The following USO1 variants were observed in gnomAD, a reference collection of about 807,000 sequenced individuals.
The protein encoded by USO1 is USO1 vesicle transport factor.
In USO1, 57 loss-of-function variants were observed where a neutral mutation model predicts 124.5. That is an observed-to-expected ratio of 0.46 (90% confidence interval 0.37 to 0.57). The LOEUF (loss-of-function observed/expected upper bound fraction) is 0.57, where lower values mean the gene tolerates loss of function less well. Ranked by LOEUF, USO1 falls within the 20% of genes least tolerant of loss-of-function variation. The pLI is 0.00. For synonymous variants in USO1, 369 were observed against 362.8 expected, an observed-to-expected ratio of 1.02 and a Z score of -0.19; for missense variants, 900 against 1,040.6, an observed-to-expected ratio of 0.86 and a Z score of 1.86.
At chr4:75,802,083 A>G (rs1316075606) in intron 17 of USO1, among the ~76,000 whole-genome samples, 1 of 152,202 alleles carries the variant, frequency 6.6e-6, no homozygotes, top group Non-Finnish European at 1.5e-5. Context: ...CAGCCTTCCG[A>G]AATGCTGGGA....
intron 1 of USO1, among the ~76,000 whole-genome samples, chr4:75,741,414 T>G (rs1282119380): frequency 6.6e-6 from 1 of 152,120 alleles, no homozygotes; most frequent in Non-Finnish European, 1.5e-5. Flanking sequence ...CTAAATTCAT[T>G]TTTTAAAATT....
At chr4:75,743,143 C>T (rs1370725867) in intron 1 of USO1, among the ~76,000 whole-genome samples, 1 of 152,014 alleles carries the variant, frequency 6.6e-6, no homozygotes, top group East Asian at 1.9e-4. Context: ...CACCACCATG[C>T]CTGGCTAATT....
At chr4:75,749,123 A>G (rs947017627) in intron 1 of USO1, among the ~76,000 whole-genome samples, 13 of 152,178 alleles carry the variant, frequency 8.5e-5, no homozygotes, top group African/African-American at 3.1e-4. Context: ...TATATCTGCT[A>G]TATGAAGAAA....
intron 22 of USO1, among the ~76,000 whole-genome samples, chr4:75,811,698 A>G (rs1723156021): frequency 1.3e-5 from 2 of 152,212 alleles, no homozygotes; most frequent in Admixed American, 6.5e-5. Context: ...TTGTGGCCAA[A>G]TTATTTTATT....
At chr4:75,747,406 A>G (rs1721155923) in intron 1 of USO1, among the ~76,000 whole-genome samples, 1 of 152,088 alleles carries the variant, frequency 6.6e-6, no homozygotes, top group Non-Finnish European at 1.5e-5. Flanking sequence ...CCTCTGGAGT[A>G]GCTAGGACTA....
intron 8 of USO1, among the ~76,000 whole-genome samples, chr4:75,775,462 C>G (rs1319046392): frequency 1.3e-5 from 2 of 152,092 alleles, no homozygotes; most frequent in African/African-American, 4.8e-5. Context: ...TCACTTGAAC[C>G]CGGGAGGTGG....
At chr4:75,787,010 A>C (rs1308542271) in intron 9 of USO1, 52 bp from the exon 10 acceptor site, 10 of 1,518,092 alleles carry the variant, frequency 6.6e-6, no homozygotes, top group Non-Finnish European at 8.8e-6. Flanking sequence ...GATTTGCCTC[A>C]AGCCTTTTCA....
chr4:75,762,959 A>C (rs1331543312), intron 4 of USO1, among the ~76,000 whole-genome samples: 4 of 152,200 alleles, frequency 2.6e-5, no homozygotes, highest in Non-Finnish European at 4.4e-5. Flanking sequence ...GTATACATGT[A>C]CCTGTTTAAT....
chr4:75,755,875 G>A (rs1721426424), intron 3 of USO1, among the ~76,000 whole-genome samples: 1 of 152,070 alleles, frequency 6.6e-6, no homozygotes, highest in Admixed American at 6.6e-5. Context: ...GTCCTTAGAA[G>A]TAGAACAGGA....
chr4:75,743,921 C>T (rs1395830426), intron 1 of USO1, among the ~76,000 whole-genome samples: 3 of 152,020 alleles, frequency 2.0e-5, no homozygotes, highest in East Asian at 1.9e-4. Flanking sequence ...GGACTACAGG[C>T]GCCCGCCACC....
At chr4:75,793,596 C>A in intron 12 of USO1, 94 bp from the exon 13 acceptor site, 1 of 1,428,812 alleles carries the variant, frequency 7.0e-7, no homozygotes, top group Non-Finnish European at 9.4e-7. Context: ...AATGGTATTT[C>A]ACACTATTTT....
rs185323210 is a variant in USO1, at chr4:75,760,462, T to A, written c.295+2889T>A. 80 of 372,206 alleles carry A rather than the reference T, an allele frequency of 2.1e-4. 1 individual carries two copies. Among genetic ancestry groups the A allele is most frequent in the Admixed American group, 1.1e-3 (24 of 21,852 alleles). The allele number at this position is 372,206 out of a possible 1,614,324, so 23.1% of individuals were successfully genotyped here. A position where few individuals can be genotyped will look rare whatever the true frequency, so the allele number is the denominator to read the frequency against. ...GGTATTTGACCAAAGTACATATGGA[T>A]CTCTTCTTCCAAAGGATTATGTAGC... On this transcript the variant is annotated intron_variant, in intron 4 of 23. Transcript: ENST00000514213.
At chr4:75,744,775 A>T (rs974840899) in intron 1 of USO1, 1 of 288,640 alleles carries the variant, frequency 3.5e-6, no homozygotes, top group African/African-American at 2.3e-5. Flanking sequence ...GATTGTTTAA[A>T]TAAATGCTGT....
intron 6 of USO1, 33 bp from the exon 7 acceptor site, chr4:75,771,049 T>C: frequency 1.0e-5 from 16 of 1,599,768 alleles, no homozygotes; most frequent in Non-Finnish European, 1.4e-5. Flanking sequence ...ATTTTTGGTC[T>C]GCCAGCATTT....
At chr4:75,749,427 G>T (rs1054685178) in intron 1 of USO1, among the ~76,000 whole-genome samples, 3 of 149,552 alleles carry the variant, frequency 2.0e-5, no homozygotes, top group African/African-American at 7.4e-5. Context: ...GAGAAACAAG[G>T]TCTCACTCTG....
Position 75,774,679 on chromosome 4 carries a change from G to A in USO1, c.559G>A (p.Val187Ile), listed in dbSNP as rs746800563. ...DSREVIRNDG[V>I]LLLQALTRSN... ...ACATTCTCTTTCTTCTCTATAGGGC[G>A]TCTTACTACTGCAGGCACTAACAAG... Residue 187 changes from valine (V) to isoleucine (I), a missense_variant, in exon 8 of 24, where the codon GTC becomes ATC. Val to Ile is a conservative substitution (Grantham distance 29). Transcript: ENST00000514213. The A allele has an allele frequency of 1.1e-5, 18 of 1,611,628 alleles. No homozygotes were observed. The highest frequency in any genetic ancestry group is 1.4e-5 in the Non-Finnish European group (17 of 1,178,766).
chr4:75,799,174 A>AT lies in USO1; in HGVS notation c.1453-441dup, dbSNP rs1210438586. On this transcript the variant is annotated intron_variant, in intron 13 of 23. Coordinates refer to ENST00000514213, the MANE Select transcript of USO1 (RefSeq NM_003715.4). ...GGGATTATTTTTTGCATTTTTCTTG[A>AT]TTTTTTTGTTTTTTGGTTTTTTTTG... Among the ~76,000 whole-genome samples, 11 of 149,790 alleles carry AT rather than the reference A, an allele frequency of 7.3e-5. No homozygotes were observed. In the East Asian group the frequency reaches 1.8e-3, roughly 24 times the overall value.
chr4:75,777,396 T>C (rs1722100879), intron 8 of USO1, among the ~76,000 whole-genome samples: 2 of 152,072 alleles, frequency 1.3e-5, no homozygotes, highest in Admixed American at 1.3e-4. Flanking sequence ...GTTGAGAGAA[T>C]GAAAAGATAC....
At chr4:75,725,204 G>A (rs940949093) in intron 1 of USO1, among the ~76,000 whole-genome samples, 35 of 152,156 alleles carry the variant, frequency 2.3e-4, no homozygotes, top group African/African-American at 8.2e-4. Context: ...GAGCTGGCCC[G>A]AACTGCCTCC....
Sources: gnomAD v4.1 joint callset for allele counts (sites outside exome capture counted in the v4.1 genomes callset) on GRCh38, gnomAD v4.1.1 for gene constraint, MANE v1.5 for transcripts, NCBI Gene and HGNC (gene_info 2026-07-23, HGNC 2026-07-21) for gene names.